The following PDS5A variants were observed in gnomAD, a reference collection of about 807,000 sequenced individuals.
The protein encoded by PDS5A is PDS5 cohesin associated factor A.
Under a neutral mutation model 167.1 loss-of-function variants are expected in PDS5A, and 42 were observed. The observed-to-expected ratio is 0.25, with a 90% CI of 0.20 to 0.33. The LOEUF is 0.33. Among genes scored for constraint, PDS5A ranks in the 10% least tolerant of loss-of-function variants. PDS5A has a pLI of 1.00. For missense variants in PDS5A, 1,033 were observed against 1,605.9 expected (o/e 0.64, Z 6.10); for synonymous variants, 553 against 554.6 (o/e 1.00, Z 0.04).
intron 2 of PDS5A, among the ~76,000 whole-genome samples, chr4:39,930,890 GTACT>G (rs556961104): frequency 3.8e-3 from 574 of 152,244 alleles, no homozygotes; most frequent in Middle Eastern, 6.8e-3. Context: ...ACTTACCACT[GTACT>G]TAAAGGAAAT....
intron 9 of PDS5A, among the ~76,000 whole-genome samples, chr4:39,911,578 A>T (rs1723887810): frequency 6.6e-6 from 1 of 152,010 alleles, no homozygotes; most frequent in Non-Finnish European, 1.5e-5. Flanking sequence ...CACACCTGCA[A>T]TCTCAGCACT....
At chr4:39,921,998 T>A (rs1725025314) in intron 6 of PDS5A, among the ~76,000 whole-genome samples, 1 of 152,226 alleles carries the variant, frequency 6.6e-6, no homozygotes, top group Non-Finnish European at 1.5e-5. Context: ...AACAGGATAC[T>A]GAACCACTAG....
At chr4:39,899,879 A>G (rs1722729973) in intron 14 of PDS5A, among the ~76,000 whole-genome samples, 1 of 136,200 alleles carries the variant, frequency 7.3e-6, no homozygotes, top group Non-Finnish European at 1.6e-5. Context: ...AAAAAAAAAA[A>G]GTTTGCCCGC....
intron 2 of PDS5A, among the ~76,000 whole-genome samples, chr4:39,946,491 G>A (rs911312462): frequency 1.3e-5 from 2 of 151,690 alleles, no homozygotes; most frequent in Non-Finnish European, 2.9e-5. Flanking sequence ...CTAGAGAAAG[G>A]GAAACAAAAA....
intron 32 of PDS5A, among the ~76,000 whole-genome samples, chr4:39,826,081 C>G (rs1174471357): frequency 1.3e-5 from 2 of 152,058 alleles, no homozygotes; most frequent in African/African-American, 2.4e-5. Context: ...ATTTATCATA[C>G]TATGGCAAAA....
At chr4:39,954,175 T>C (rs1728679345) in intron 2 of PDS5A, among the ~76,000 whole-genome samples, 1 of 141,398 alleles carries the variant, frequency 7.1e-6, no homozygotes, top group Non-Finnish European at 1.6e-5. Context: ...GCTCTATCTC[T>C]ACGGAGAAAA....
intron 2 of PDS5A, among the ~76,000 whole-genome samples, chr4:39,956,490 C>CAA (rs71194945): frequency 3.0e-4 from 28 of 92,300 alleles, no homozygotes; most frequent in African/African-American, 5.0e-4. Flanking sequence ...GAGACTGTCT[C>CAA]AAAAAAAAAA....
chr4:39,899,817 G>A (rs1722721047), intron 14 of PDS5A, among the ~76,000 whole-genome samples: 1 of 137,996 alleles, frequency 7.2e-6, no homozygotes, highest in South Asian at 2.2e-4. Context: ...GCCACTATGC[G>A]ACAGCCTGGG....
chr4:39,954,670 T>TAA (rs777287409), intron 2 of PDS5A, among the ~76,000 whole-genome samples: 56 of 48,248 alleles, frequency 1.2e-3, no homozygotes, highest in African/African-American at 1.8e-3. Flanking sequence ...AAGAGATAAG[T>TAA]AAAAAAAAAA....
At chr4:39,895,119 CG>C (rs1439568324) in intron 16 of PDS5A, among the ~76,000 whole-genome samples, 1 of 140,648 alleles carries the variant, frequency 7.1e-6, no homozygotes, top group African/African-American at 2.6e-5. Flanking sequence ...CCCAGCTACT[CG>C]GGAGGCTGAG....
intron 28 of PDS5A, chr4:39,848,254 C>T (rs1201744439): frequency 1.3e-5 from 2 of 153,356 alleles, no homozygotes; most frequent in East Asian, 1.9e-4. Flanking sequence ...CACCTAACAG[C>T]AGGAAATAAA....
At chr4:39,929,225 G>C (rs1358156184) in intron 2 of PDS5A, among the ~76,000 whole-genome samples, 1 of 152,064 alleles carries the variant, frequency 6.6e-6, no homozygotes, top group East Asian at 1.9e-4. Context: ...GGGTGTGCCT[G>C]TGTGTGTGTT....
rs1158391867 is a variant in PDS5A at position 39,842,905 on chromosome 4, ATT to A, written c.3549-851_3549-850del. Reference sequence around the variant, plus strand: ...TGTTAGAACAATGTAAACTTATCCTATTTTTATATATATATATATATATATAT... The same window carrying A: ...TGTTAGAACAATGTAAACTTATCCTATTTATATATATATATATATATATAT... On this transcript the variant is annotated intron_variant, in intron 30 of 32. Transcript: ENST00000303538. Among the ~76,000 whole-genome samples the A allele has an allele frequency of 2.3e-4, 17 of 72,832 alleles. 1 individual carries two copies. The highest frequency in any genetic ancestry group is 2.8e-4 in the Non-Finnish European group (10 of 35,950). The allele number at this position is 72,832 out of a possible 152,430, so 47.8% of individuals were successfully genotyped here. A position where few individuals can be genotyped will look rare whatever the true frequency, so the allele number is the denominator to read the frequency against.
intron 2 of PDS5A, among the ~76,000 whole-genome samples, chr4:39,942,492 G>A (rs147229752): frequency 1.4e-4 from 22 of 152,182 alleles, no homozygotes; most frequent in African/African-American, 3.6e-4. Flanking sequence ...ACTCAGTCAC[G>A]TAGGCTAGAG....
intron 8 of PDS5A, among the ~76,000 whole-genome samples, chr4:39,914,396 G>A (rs928956830): frequency 6.6e-6 from 1 of 151,844 alleles, no homozygotes. Flanking sequence ...TCCTGATCTC[G>A]TGACCCAACC....
At chr4:39,873,214 C>T in intron 20 of PDS5A, 70 bp from the exon 21 acceptor site, 8 of 942,064 alleles carry the variant, frequency 8.5e-6, no homozygotes, top group Non-Finnish European at 1.2e-5. Flanking sequence ...TGAAACAGTA[C>T]ATTTTCCTGA....
intron 32 of PDS5A, among the ~76,000 whole-genome samples, chr4:39,829,950 CAAAAAAAAAAAAAAAAAAAAAA>C (rs1158287221): frequency 1.3e-4 from 9 of 67,304 alleles, no homozygotes; most frequent in African/African-American, 2.5e-4. Context: ...GACTCCAACT[CAAAAAAAAAAAAAAAAAAAAAA>C]AAAAAAAAAA....
At chr4:39,891,804 C>A (rs770729210) in intron 16 of PDS5A, among the ~76,000 whole-genome samples, 4 of 152,070 alleles carry the variant, frequency 2.6e-5, no homozygotes, top group African/African-American at 9.6e-5. Flanking sequence ...TGATAGATAA[C>A]CCCAATAATA....
intron 29 of PDS5A, among the ~76,000 whole-genome samples, chr4:39,845,514 A>C (rs1717516815): frequency 6.6e-6 from 1 of 152,206 alleles, no homozygotes; most frequent in South Asian, 2.1e-4. Flanking sequence ...TTAGTAGTAT[A>C]AAATTATTTC....
Sources: allele counts gnomAD v4.1 joint callset (sites outside exome capture counted in the v4.1 genomes callset), GRCh38; gene constraint gnomAD v4.1.1; transcripts MANE v1.5; gene names NCBI Gene and HGNC (gene_info 2026-07-23, HGNC 2026-07-21).